PDE1C: variants seen among roughly 807,000 people sequenced by gnomAD.
PDE1C encodes the protein phosphodiesterase 1C, also known as dual specificity calcium/calmodulin-dependent 3',5'-cyclic nucleotide phosphodiesterase 1C.
A neutral mutation model predicts 93.1 loss-of-function variants in PDE1C; 62 were observed. That is an observed-to-expected ratio of 0.67 (90% CI 0.54 to 0.82). The LOEUF (loss-of-function observed/expected upper bound fraction) is 0.82, where lower values mean the gene tolerates loss of function less well. Among genes scored for constraint, PDE1C ranks in the 40% least tolerant of loss-of-function variants. The probability of loss-of-function intolerance (pLI) is 0.00; values close to 1 mark genes in which losing one functional copy is unlikely to be tolerated. For missense variants in PDE1C, 742 were observed against 884.6 expected (o/e 0.84, Z 2.04); for synonymous variants, 325 against 310.1 (o/e 1.05, Z -0.50).
intron 2 of PDE1C, among the ~76,000 whole-genome samples, chr7:32,195,093 C>T (rs925928299): frequency 5.3e-5 from 8 of 152,070 alleles, no homozygotes; most frequent in African/African-American, 1.9e-4. Context: ...TAAATATTTC[C>T]TATACATACA....
chr7:31,672,453 A>T, the PDE1C span, among the ~76,000 whole-genome samples: 1 of 152,154 alleles, frequency 6.6e-6, no homozygotes, highest in Admixed American at 6.5e-5. Flanking sequence ...TCTCCATAGT[A>T]AGTCATTATC....
At chr7:31,620,009 C>CACAGCAGTCTG in the PDE1C span, among the ~76,000 whole-genome samples, 1 of 152,318 alleles carries the variant, frequency 6.6e-6, no homozygotes, top group Admixed American at 6.5e-5. Context: ...TGATTGCTAG[C>CACAGCAGTCTG]ACAGCAGTCT....
chr7:31,637,343 A>G, the PDE1C span, among the ~76,000 whole-genome samples: 7 of 152,176 alleles, frequency 4.6e-5, no homozygotes, highest in African/African-American at 1.7e-4. Flanking sequence ...ACTAGTTTAC[A>G]GTCCCACCAA....
At chr7:31,962,546 G>A (rs149886766) in intron 2 of PDE1C, among the ~76,000 whole-genome samples, 1 of 152,328 alleles carries the variant, frequency 6.6e-6, no homozygotes, top group African/African-American at 2.4e-5. Flanking sequence ...AAGGATAGAA[G>A]AAGCATAGAA....
At chr7:31,888,570 A>C (rs1279263073) in intron 2 of PDE1C, among the ~76,000 whole-genome samples, 1 of 152,150 alleles carries the variant, frequency 6.6e-6, no homozygotes, top group Non-Finnish European at 1.5e-5. Context: ...AGAAAGGTAA[A>C]AGGATATCAT....
chr7:31,786,490 T>C (rs2128648441), intron 16 of PDE1C: 1 of 152,260 alleles, frequency 6.6e-6, no homozygotes. Flanking sequence ...CATATAGAAG[T>C]TGAATAAATT....
At chr7:32,283,586 G>A (rs1163846590) in intron 1 of PDE1C, among the ~76,000 whole-genome samples, 1 of 152,190 alleles carries the variant, frequency 6.6e-6, no homozygotes, top group Non-Finnish European at 1.5e-5. Flanking sequence ...TCCTTAGCAT[G>A]AAAGAAAGCA....
chr7:32,049,215 C>G (rs888357641), intron 2 of PDE1C, among the ~76,000 whole-genome samples: 1 of 152,172 alleles, frequency 6.6e-6, no homozygotes, highest in Non-Finnish European at 1.5e-5. Flanking sequence ...CTGAACAAGA[C>G]AGAATTGTTT....
the PDE1C span, among the ~76,000 whole-genome samples, chr7:31,670,084 T>C: frequency 6.6e-6 from 1 of 152,216 alleles, no homozygotes; most frequent in East Asian, 1.9e-4. Flanking sequence ...CTTGAAAGTA[T>C]GAAGTGATTT....
chr7:31,785,258 G>A (rs1783805852), intron 16 of PDE1C: 2 of 152,236 alleles, frequency 1.3e-5, no homozygotes, highest in Non-Finnish European at 2.9e-5. Flanking sequence ...GGGGGACAAG[G>A]TCTCCTCAGG....
intron 2 of PDE1C, among the ~76,000 whole-genome samples, chr7:31,891,034 CT>C (rs1422641583): frequency 6.6e-6 from 1 of 152,160 alleles, no homozygotes; most frequent in African/African-American, 2.4e-5. Flanking sequence ...CCCACACCTC[CT>C]GTGACTCAGA....
chr7:32,154,056 C>T (rs1047310764), intron 3 of PDE1C, among the ~76,000 whole-genome samples: 1 of 152,166 alleles, frequency 6.6e-6, no homozygotes, highest in African/African-American at 2.4e-5. Flanking sequence ...GAGTTTGACG[C>T]CAGCCTGGGC....
intron 1 of PDE1C, among the ~76,000 whole-genome samples, chr7:32,242,227 A>T (rs1347031671): frequency 1.3e-5 from 2 of 152,154 alleles, no homozygotes; most frequent in Non-Finnish European, 2.9e-5. Flanking sequence ...GCCCATGAAA[A>T]CAAAATGGGT....
chr7:32,272,829 G>C (rs1443742372), intron 1 of PDE1C, among the ~76,000 whole-genome samples: 2 of 152,186 alleles, frequency 1.3e-5, no homozygotes, highest in Non-Finnish European at 2.9e-5. Context: ...ATTAAGCAAT[G>C]AACTGGAAAA....
the PDE1C span, among the ~76,000 whole-genome samples, chr7:31,658,890 A>C: frequency 1.3e-5 from 2 of 152,312 alleles, no homozygotes; most frequent in Admixed American, 6.5e-5. Flanking sequence ...AATGCTGCTA[A>C]TCCCCTCCAA....
chr7:32,078,085 C>T (rs772731772), intron 3 of PDE1C: 7 of 948,780 alleles, frequency 7.4e-6, no homozygotes, highest in Non-Finnish European at 8.8e-6. Context: ...CGTAAAACTG[C>T]TGATGCTACA....
downstream of PDE1C, among the ~76,000 whole-genome samples, chr7:31,748,107 A>T (rs1033931434): frequency 4.1e-5 from 6 of 144,598 alleles, no homozygotes; most frequent in Non-Finnish European, 7.7e-5. Context: ...TTCCTTCTGA[A>T]GTTAGCTTAG....
the PDE1C span, among the ~76,000 whole-genome samples, chr7:31,663,370 A>T: frequency 6.6e-6 from 1 of 152,138 alleles, no homozygotes; most frequent in South Asian, 2.1e-4. Context: ...CAGGAGTAGG[A>T]CTGTGATAGG....
At chr7:32,340,712 C>T (rs774498853) in intron 1 of PDE1C, among the ~76,000 whole-genome samples, 14 of 151,982 alleles carry the variant, frequency 9.2e-5, no homozygotes, top group Non-Finnish European at 1.5e-4. Flanking sequence ...AACTTAAATG[C>T]ATATTACTAA....
Sources: gnomAD v4.1 joint callset for allele counts (sites outside exome capture counted in the v4.1 genomes callset) on GRCh38, gnomAD v4.1.1 for gene constraint, MANE v1.5 for transcripts, NCBI Gene and HGNC (gene_info 2026-07-23, HGNC 2026-07-21) for gene names.